CYP2D6: variants seen among roughly 807,000 people sequenced by gnomAD.
CYP2D6 encodes cytochrome P450 family 2 subfamily D member 6 (gene/pseudogene).
Under a neutral mutation model 43.5 loss-of-function variants are expected in CYP2D6, and 51 were observed. That is an observed-to-expected ratio of 1.17 (90% CI 0.94 to 1.48). The LOEUF (loss-of-function observed/expected upper bound fraction) is 1.48. Among genes scored for constraint, CYP2D6 ranks in the 40% most tolerant of loss-of-function variants. The pLI, the probability that CYP2D6 is intolerant of heterozygous loss-of-function variation, is 0.00. For missense variants in CYP2D6, 698 were observed against 688.0 expected (o/e 1.01, Z -0.16); for synonymous variants, 346 against 297.1 (o/e 1.16, Z -1.69).
At position 42,130,690 on chromosome 22, in the gene CYP2D6, T is replaced by G. The variant is rs151226748; in HGVS notation, c.102A>C (p.Pro34=). The change falls in exon 1 of 9, where the codon CCA becomes CCC. Residue 34 remains proline (P), a synonymous_variant. Coordinates refer to ENST00000645361, the MANE Select transcript of CYP2D6 (RefSeq NM_000106.6). ...HRRQRWAARY[P]PGPLPLPGLG... ...GCCCGGGCAGTGGCAGGGGGCCTGG[T>G]GGGTAGCGTGCAGCCCAGCGTTGGC... The G allele has an allele frequency of 1.2e-6, 2 of 1,606,840 alleles. No homozygotes were observed.
chr22:42,127,143 G>A (rs1335848947), intron 7 of CYP2D6, 151 bp from the exon 8 acceptor site: 10 of 1,100,170 alleles, frequency 9.1e-6, no homozygotes, highest in East Asian at 5.1e-5. Context: ...TACCCTCTCC[G>A]ACCCCACAGC....
rs2146944777 is a variant in CYP2D6 at position 42,130,739 on chromosome 22, A to G, written c.53T>C (p.Leu18Pro). 6.3e-7 allele frequency: 1 copy of G among 1,596,930 alleles called. No homozygotes were observed. The highest frequency in any genetic ancestry group is 8.5e-7 in the Non-Finnish European group (1 of 1,171,298). Reference protein sequence around the residue: ...PLAVIVAIFLLLVDLMHRRQR... With the variant: ...PLAVIVAIFLPLVDLMHRRQR... The stretch of plus-strand genomic sequence containing the variant: ...GCGCCGGTGCATCAGGTCCACCAGG[A>G]GCAGGAAGATGGCCACTATCACGGC... Residue 18 changes from leucine (L) to proline (P), a missense_variant, in exon 1 of 9, where the codon CTC (leucine) becomes CCC (proline). By Grantham distance (98) the Leu-to-Pro change is moderately conservative (BLOSUM62 -3). Around this residue, in one of 5 missense-constraint regions of CYP2D6, gnomAD observed 588 missense variants for 521.1 expected, o/e 1.13. Coordinates refer to ENST00000645361, the MANE Select transcript of CYP2D6 (RefSeq NM_000106.6).
chr22:42,129,148 C>A lies in CYP2D6; in HGVS notation c.390G>T (p.Glu130Asp), dbSNP rs777909589. The stretch of plus-strand genomic sequence containing the variant: ...AGGTGGACACGGAGAAGCGCCTCTG[C>A]TCGCGCCACGCGGGCCCATAGCGCG... ...FLARYGPAWREQRRFSVSTLR... is the reference protein window; with the variant it reads ...FLARYGPAWRDQRRFSVSTLR... Residue 130 changes from glutamate to aspartate, a missense_variant, in exon 3 of 9, where the codon GAG becomes GAT. This residue lies in a region of CYP2D6 where 588 missense variants were observed against 521.1 expected (regional missense o/e 1.13). Transcript: ENST00000645361. The A allele has an allele frequency of 6.2e-7, 1 of 1,608,858 alleles. No homozygotes were observed. The highest frequency in any genetic ancestry group is 8.5e-7 in the Non-Finnish European group (1 of 1,178,080).
At position 42,129,724 on chromosome 22, in the gene CYP2D6, C is replaced by G; in HGVS notation, c.352+14G>C. 6.2e-7 allele frequency: 1 copy of G among 1,609,632 alleles called. No homozygotes were observed. The highest frequency in any genetic ancestry group is 1.3e-5 in the African/African-American group (1 of 74,522). On this transcript the variant is annotated intron_variant, in intron 2 of 8. Transcript: ENST00000645361. Reference sequence around the variant, plus strand: ...GTCCCACGGAAATCTGTCTCTGTCCCCACCGCTGCTTGCCTTGGGAACGCG... The same window carrying G: ...GTCCCACGGAAATCTGTCTCTGTCCGCACCGCTGCTTGCCTTGGGAACGCG...
rs1175276420 is a variant in CYP2D6, at chr22:42,130,168, C to T, written c.181-259G>A. 4 of 521,946 alleles carry T rather than the reference C, an allele frequency of 7.7e-6. No individual in the cohort carries two copies. The East Asian group carries it at 1.2e-4, about 15-fold the overall frequency. 32.3% of individuals were successfully genotyped at this position (521,946 alleles called of 1,614,324 possible). A position where few individuals can be genotyped will look rare whatever the true frequency, so the allele number is the denominator to read the frequency against. ...AGAGGCCCCAGTTAGCATCCCATTC[C>T]CAGATGATGGTCCATGCCGGTGAGC... is the stretch of plus-strand genomic sequence containing the variant. On this transcript the variant is annotated intron_variant, in intron 1 of 8. Transcript: ENST00000645361.
In CYP2D6 at chr22:42,128,183, C is replaced by A. The variant is rs759788437; in HGVS notation, c.834G>T (p.Glu278Asp). The change falls in exon 5 of 9, where the codon GAG becomes GAT. Residue 278 changes from glutamate to aspartate, a missense_variant. Transcript: ENST00000645361. ...PRDLTEAFLAEMEKAKGNPES... is the reference protein window; with the variant it reads ...PRDLTEAFLADMEKAKGNPES... ...TGGCAGCCACTCTCACCTTCTCCAT[C>A]TCTGCCAGGAAGGCCTCAGTCAGGT... 16 of 1,606,732 alleles carry A rather than the reference C, an allele frequency of 1.0e-5. 1 individual carries two copies. The highest frequency in any genetic ancestry group is 2.7e-5 in the African/African-American group (2 of 73,878).
At chr22:42,128,641 C>T in intron 4 of CYP2D6, 143 bp downstream of exon 4, 2 of 1,012,264 alleles carry the variant, frequency 2.0e-6, no homozygotes, top group Non-Finnish European at 3.0e-6. Flanking sequence ...CCTCCTCCTC[C>T]AGGCCCTTCT....
chr22:42,129,497 G>T (rs1417775985), intron 2 of CYP2D6: 6 of 721,750 alleles, frequency 8.3e-6, no homozygotes, highest in Non-Finnish European at 1.4e-5. Context: ...GCTGGGAAAT[G>T]CGCCAGCCTC....
chr22:42,129,771 T>A lies in CYP2D6; in HGVS notation c.319A>T (p.Thr107Ser), dbSNP rs74802369. 363 of 1,608,938 alleles carry A rather than the reference T, an allele frequency of 2.3e-4. 13 individuals are homozygous for A. In the Admixed American group the frequency reaches 4.1e-3, roughly 18 times the overall value. ...CGCGGCCCGAAACCCAGGATCTGGG[T>A]GATGGGCACAGGCGGGCGGTCGGCG... is the stretch of plus-strand genomic sequence containing the variant. ...DTADRPPVPI[T>S]QILGFGPRSQ... Residue 107 changes from threonine (T) to serine (S), a missense_variant, in exon 2 of 9, where the codon ACC (threonine) becomes TCC (serine). Transcript: ENST00000645361.
At position 42,126,682 on chromosome 22, in the gene CYP2D6, C is replaced by A; in HGVS notation, c.1386G>T (p.Gln462His). The A allele has an allele frequency of 6.2e-7, 1 of 1,602,980 alleles. No individual in the cohort carries two copies. The highest frequency in any genetic ancestry group is 8.5e-7 in the Non-Finnish European group (1 of 1,174,956). ...CAGTGGGCACCGAGAAGCTGAAGTG[C>A]TGCAGCAGGGAGGTGAAGAAGAGGA... ...ELFLFFTSLL[Q>H]HFSFSVPTGQ... Residue 462 changes from glutamine (Q) to histidine (H), a missense_variant, in exon 9 of 9, where the codon CAG (glutamine) becomes CAT (histidine). Gln to His is a conservative substitution (Grantham distance 24, BLOSUM62 0). This residue lies in a region of CYP2D6 where 85 missense variants were observed against 81.2 expected (regional missense o/e 1.05). Coordinates refer to ENST00000645361, the MANE Select transcript of CYP2D6 (RefSeq NM_000106.6).
In CYP2D6 at chr22:42,127,981, G is replaced by T; in HGVS notation, c.846C>A (p.Ala282=). The T allele has an allele frequency of 6.2e-7, 1 of 1,611,416 alleles. No individual in the cohort carries two copies. ...TEAFLAEMEK[A]KGNPESSFND... ...TGAAGCTGCTCTCAGGGTTCCCCTT[G>T]GCCTGAGCAGGGCCGAGAGCATACT... is the stretch of plus-strand genomic sequence containing the variant. The change falls in exon 6 of 9, where the codon GCC becomes GCA. Residue 282 remains alanine, a splice_region_variant and synonymous_variant. Coordinates refer to ENST00000645361, the MANE Select transcript of CYP2D6 (RefSeq NM_000106.6).
At position 42,129,642 on chromosome 22, in the gene CYP2D6, T is replaced by A. The variant is rs1022169160; in HGVS notation, c.352+96A>T. 4 of 1,522,122 alleles carry A rather than the reference T, an allele frequency of 2.6e-6. No homozygotes were observed. The African/African-American group carries it at 5.5e-5, about 21-fold the overall frequency. The allele number at this position is 1,522,122 out of a possible 1,614,324, so 94.3% of individuals were successfully genotyped here. ...TGTCCCCACTCGCTGGCCTGTTTCA[T>A]GTCCACGACCCCGCGCCCTCTCTGC... On this transcript the variant is annotated intron_variant, in intron 2 of 8. Coordinates refer to ENST00000645361, the MANE Select transcript of CYP2D6 (RefSeq NM_000106.6).
rs1377921514 is a variant in CYP2D6 at position 42,130,703 on chromosome 22, G to A, written c.89C>T (p.Ala30Val). The stretch of plus-strand genomic sequence containing the variant: ...CAGGGGGCCTGGTGGGTAGCGTGCA[G>A]CCCAGCGTTGGCGCCGGTGCATCAG... ...VDLMHRRQRW[A>V]ARYPPGPLPL... The change falls in exon 1 of 9, where the codon GCT (alanine) becomes GTT (valine). Residue 30 changes from alanine (A) to valine (V), a missense_variant. Around this residue, in one of 5 missense-constraint regions of CYP2D6, gnomAD observed 588 missense variants for 521.1 expected, o/e 1.13. Transcript: ENST00000645361. 1.2e-6 allele frequency: 2 copies of A among 1,605,056 alleles called. No homozygotes were observed. Among genetic ancestry groups the A allele is most frequent in the South Asian group, 2.2e-5 (2 of 89,828 alleles).
rs149528658 is a variant in CYP2D6, at chr22:42,127,870, C to T, written c.957G>A (p.Leu319=). ...GCACATCCGGATGTAGGATCATGAG[C>T]AGGAGGCCCCAGGCCAGCGTGGTCG... is the stretch of plus-strand genomic sequence containing the variant. ...TTSTTLAWGL[L]LMILHPDVQR... Residue 319 remains leucine, a synonymous_variant, in exon 6 of 9, where the codon CTG becomes CTA. Transcript: ENST00000645361. 2.1e-5 allele frequency: 34 copies of T among 1,611,164 alleles called. 1 individual carries two copies. In the African/African-American group the frequency reaches 4.4e-4, roughly 21 times the overall value.
chr22:42,130,669 G>C lies in CYP2D6; in HGVS notation c.123C>G (p.Pro41=), dbSNP rs146558635. 6.2e-7 allele frequency: 1 copy of C among 1,608,734 alleles called. No individual in the cohort carries two copies. Among genetic ancestry groups the C allele is most frequent in the Non-Finnish European group, 8.5e-7 (1 of 1,177,242 alleles). ...CCACATGCAGCAGGTTGCCCAGCCC[G>C]GGCAGTGGCAGGGGGCCTGGTGGGT... is the stretch of plus-strand genomic sequence containing the variant. ...ARYPPGPLPL[P]GLGNLLHVDF... The change falls in exon 1 of 9, where the codon CCC becomes CCG. Residue 41 remains proline (P), a synonymous_variant. Coordinates refer to ENST00000645361, the MANE Select transcript of CYP2D6 (RefSeq NM_000106.6).
Position 42,130,019 on chromosome 22 carries a change from T to C in CYP2D6, c.181-110A>G, listed in dbSNP as rs1476223883. ...CCCGGGGCTACCAGGAGTGAGCAGG[T>C]GGAAGGAGGAGACCCAGCCTCCTGA... is the stretch of plus-strand genomic sequence containing the variant. On this transcript the variant is annotated intron_variant, in intron 1 of 8. Coordinates refer to ENST00000645361, the MANE Select transcript of CYP2D6 (RefSeq NM_000106.6). 19 of 1,150,934 alleles carry C rather than the reference T, an allele frequency of 1.7e-5. No individual in the cohort carries two copies. In the Admixed American group the frequency reaches 2.8e-4, roughly 17 times the overall value. 71.3% of individuals were successfully genotyped at this position (1,150,934 alleles called of 1,614,324 possible). A position where few individuals can be genotyped will look rare whatever the true frequency, so the allele number is the denominator to read the frequency against.
rs1135840 is a variant in CYP2D6 at position 42,126,611 on chromosome 22, C to T, written c.1457G>A (p.Ser486Asn). The change falls in exon 9 of 9, where the codon AGC (serine) becomes AAC (asparagine). Residue 486 changes from serine to asparagine, a missense_variant. Ser to Asn is a conservative substitution (Grantham distance 46). Around this residue, in one of 5 missense-constraint regions of CYP2D6, gnomAD observed 85 missense variants for 81.2 expected, o/e 1.05. Coordinates refer to ENST00000645361, the MANE Select transcript of CYP2D6 (RefSeq NM_000106.6). ...SHHGVFAFLV[S>N]PSPYELCAVP... ...AGCACAAAGCTCATAGGGGGATGGG[C>T]TCACCAGGAAAGCAAAGACACCATG... 2.5e-6 allele frequency: 4 copies of T among 1,605,114 alleles called. No individual in the cohort carries two copies. Among genetic ancestry groups the T allele is most frequent in the Non-Finnish European group, 3.4e-6 (4 of 1,175,484 alleles).
At position 42,129,167 on chromosome 22, in the gene CYP2D6, T is replaced by C; in HGVS notation, c.371A>G (p.Tyr124Cys). The C allele has an allele frequency of 6.2e-7, 1 of 1,606,220 alleles. No homozygotes were observed. The highest frequency in any genetic ancestry group is 1.7e-5 in the Admixed American group (1 of 59,884). The change falls in exon 3 of 9, where the codon TAT becomes TGT. Residue 124 changes from tyrosine (Y) to cysteine (C), a missense_variant. This residue lies in a region of CYP2D6 where 588 missense variants were observed against 521.1 expected (regional missense o/e 1.13). Transcript: ENST00000645361. ...PRSQGVFLAR[Y>C]GPAWREQRRF... ...CCTCTGCTCGCGCCACGCGGGCCCA[T>C]AGCGCGCCAGGAACACCCCTGGGGG...
In CYP2D6 at chr22:42,128,926, T is replaced by C. The variant is rs1459127426; in HGVS notation, c.524A>G (p.Asn175Ser). The change falls in exon 4 of 9, where the codon AAC becomes AGC. Residue 175 changes from asparagine to serine, a missense_variant. By Grantham distance (46) the Asn-to-Ser change is conservative. This residue lies in a region of CYP2D6 where 588 missense variants were observed against 521.1 expected (regional missense o/e 1.13). Coordinates refer to ENST00000645361, the MANE Select transcript of CYP2D6 (RefSeq NM_000106.6). ...GCTCACGGCTTTGTCCAAGAGACCG[T>C]TGGGGCGAAAGGGGCGTCCTGGGGG... ...ANHSGRPFRP[N>S]GLLDKAVSNV... The C allele has an allele frequency of 1.3e-6, 2 of 1,591,610 alleles. No individual in the cohort carries two copies. Among genetic ancestry groups the C allele is most frequent in the Non-Finnish European group, 1.7e-6 (2 of 1,169,504 alleles).
Sources: gnomAD v4.1 joint callset for allele counts on GRCh38, gnomAD v4.1.1 for gene constraint, gnomAD v4.1.1 regional missense constraint, MANE v1.5 for transcripts, NCBI Gene and HGNC (gene_info 2026-07-23, HGNC 2026-07-21) for gene names.